The following DET1 variants were observed in gnomAD, a reference collection of about 807,000 sequenced individuals.
The protein encoded by DET1 is DET1 homolog.
Under a neutral mutation model 43.7 loss-of-function variants are expected in DET1, and 22 were observed. That is an observed-to-expected ratio of 0.50 (90% CI 0.36 to 0.72). The LOEUF (loss-of-function observed/expected upper bound fraction) is 0.72, where lower values mean the gene tolerates loss of function less well. Ranked by LOEUF, DET1 falls within the 30% of genes least tolerant of loss-of-function variation. The pLI is 0.00. For missense variants in DET1, 713 were observed against 713.3 expected (o/e 1.00, Z 0.00); for synonymous variants, 315 against 266.2 (o/e 1.18, Z -1.79).
At chr15:88,508,830 G>C (rs534717305), downstream of DET1, among the ~76,000 whole-genome samples, 1 of 152,192 alleles carries the variant, frequency 6.6e-6, no homozygotes, top group East Asian at 1.9e-4. Context: ...TAATAAAAGA[G>C]AATAAGGGGT....
intron 1 of DET1, among the ~76,000 whole-genome samples, chr15:88,535,379 G>C (rs765180987): frequency 1.3e-5 from 2 of 151,888 alleles, no homozygotes; most frequent in Non-Finnish European, 2.9e-5. Flanking sequence ...TAAAGCCTCA[G>C]GGCCCTAGGG....
chr15:88,533,940 A>G (rs567977521), intron 1 of DET1, among the ~76,000 whole-genome samples: 1 of 151,894 alleles, frequency 6.6e-6, no homozygotes, highest in Non-Finnish European at 1.5e-5. Context: ...ACAAAGAAGA[A>G]TGGTGGTCAC....
chr15:88,511,621 T>G, downstream of DET1: 1 of 982,820 alleles, frequency 1.0e-6, no homozygotes, highest in Non-Finnish European at 1.2e-6. Flanking sequence ...TATTGTACTG[T>G]ATTATAATAA....
chr15:88,542,732 C>G (rs1418091818), intron 1 of DET1, among the ~76,000 whole-genome samples: 2 of 152,118 alleles, frequency 1.3e-5, no homozygotes, highest in South Asian at 2.1e-4. Flanking sequence ...TAATGGCTAT[C>G]CAAGAGGGCA....
At position 88,516,638 on chromosome 15, in the gene DET1, G is replaced by T; in HGVS notation, c.1463+144C>A. The T allele has an allele frequency of 1.6e-6, 1 of 642,524 alleles. No homozygotes were observed. 39.8% of individuals were successfully genotyped at this position (642,524 alleles called of 1,614,324 possible). ...CACCTAAATGATCACAGCTCTCACT[G>T]CATTATAGAAATAGCCTGCCTTTTC... On this transcript the variant is annotated intron_variant, in intron 4 of 4. Transcript: ENST00000268148. This position sits in a 1 kb window ranked among gnomAD's most constrained non-coding sequence, Gnocchi z 4.4.
rs761619650 is a variant in DET1 at position 88,512,958 on chromosome 15, C to T, written c.1646G>A (p.Cys549Tyr). 5 of 1,613,790 alleles carry T rather than the reference C, an allele frequency of 3.1e-6. No homozygotes were observed. Among genetic ancestry groups the T allele is most frequent in the African/African-American group, 1.3e-5 (1 of 75,058 alleles). The change falls in exon 5 of 5, where the codon TGC becomes TAC. Residue 549 changes from cysteine (C) to tyrosine (Y), a missense_variant. By Grantham distance (194) the Cys-to-Tyr change is radical. Coordinates refer to ENST00000268148, the MANE Select transcript of DET1 (RefSeq NM_001144074.3). ...CTGGCTCTGGTGAGGCACCTACGTG[C>T]AGCAGTGTCGCATATGGAAGTTGAC... ...YVVNFHMRHC[C>Y]T
At chr15:88,510,557 T>G (rs555145139), downstream of DET1, among the ~76,000 whole-genome samples, 1 of 152,198 alleles carries the variant, frequency 6.6e-6, no homozygotes, top group East Asian at 1.9e-4. Flanking sequence ...ATACCCAGTA[T>G]CTGACTTAAT....
At chr15:88,525,235 C>T (rs921057059) in intron 3 of DET1, among the ~76,000 whole-genome samples, 1 of 151,916 alleles carries the variant, frequency 6.6e-6, no homozygotes, top group African/African-American at 2.4e-5. Flanking sequence ...GTTTAATATC[C>T]ACTGAAAATA....
intron 3 of DET1, among the ~76,000 whole-genome samples, chr15:88,522,249 G>C (rs2056510452): frequency 1.3e-5 from 2 of 152,238 alleles, no homozygotes; most frequent in Non-Finnish European, 2.9e-5. Context: ...CTCCAGAACT[G>C]GATGGTCCTG....
chr15:88,529,691 T>C (rs1254627782), intron 2 of DET1, among the ~76,000 whole-genome samples: 4 of 152,238 alleles, frequency 2.6e-5, no homozygotes, highest in Non-Finnish European at 5.9e-5. Flanking sequence ...CGTGGTTTAC[T>C]GATTTGCTGG....
At chr15:88,543,404 C>T (rs907573943) in intron 1 of DET1, among the ~76,000 whole-genome samples, 1 of 152,226 alleles carries the variant, frequency 6.6e-6, no homozygotes, top group African/African-American at 2.4e-5. Context: ...TTGCATTTTA[C>T]AATATCAGAG....
intron 3 of DET1, among the ~76,000 whole-genome samples, chr15:88,520,053 G>A (rs1243962402): frequency 6.6e-6 from 1 of 152,070 alleles, no homozygotes; most frequent in Admixed American, 6.6e-5. Context: ...ATAACTTTCT[G>A]CGCTCCCATG....
At chr15:88,538,385 C>T (rs369493847) in intron 1 of DET1, among the ~76,000 whole-genome samples, 3 of 151,194 alleles carry the variant, frequency 2.0e-5, no homozygotes, top group African/African-American at 7.3e-5. Context: ...TTGTAATAGT[C>T]ATAAAGCCCC....
chr15:88,512,722 C>A lies in DET1; in HGVS notation c.*229G>T. ...ACTTAATTAATGCTGGGCATTCCCA[C>A]AGGGAAAACGCAAGAGGATATTATA... is the stretch of plus-strand genomic sequence containing the variant. On this transcript the variant is annotated 3_prime_UTR_variant, in exon 5 of 5. Coordinates refer to ENST00000268148, the MANE Select transcript of DET1 (RefSeq NM_001144074.3). 8.0e-7 allele frequency: 1 copy of A among 1,252,588 alleles called. No homozygotes were observed. The highest frequency in any genetic ancestry group is 1.0e-6 in the Non-Finnish European group (1 of 999,604). 77.6% of individuals were successfully genotyped at this position (1,252,588 alleles called of 1,614,324 possible). A position where few individuals can be genotyped will look rare whatever the true frequency, so the allele number is the denominator to read the frequency against.
chr15:88,506,452 G>C (rs187102311), intron 7 of DET1, among the ~76,000 whole-genome samples: 1 of 151,630 alleles, frequency 6.6e-6, no homozygotes, highest in Non-Finnish European at 1.5e-5. Context: ...TCAAGCAGAG[G>C]GTTATAGCTA....
chr15:88,520,149 C>T (rs1382985669), intron 3 of DET1, among the ~76,000 whole-genome samples: 4 of 152,170 alleles, frequency 2.6e-5, no homozygotes, highest in Non-Finnish European at 5.9e-5. Flanking sequence ...ACTGTTTCCC[C>T]TTCTCTACAG....
downstream of DET1, among the ~76,000 whole-genome samples, chr15:88,510,322 G>A (rs936293455): frequency 8.5e-5 from 13 of 152,178 alleles, no homozygotes; most frequent in African/African-American, 3.1e-4. Flanking sequence ...ATTGGCCTAG[G>A]ATCACACATG....
chr15:88,544,204 G>C (rs1416765304), intron 1 of DET1, among the ~76,000 whole-genome samples: 1 of 152,154 alleles, frequency 6.6e-6, no homozygotes, highest in Admixed American at 6.5e-5. Flanking sequence ...AAGCTCCATT[G>C]TGCCTATCGA....
At chr15:88,518,675 G>A (rs2056412132) in intron 3 of DET1, among the ~76,000 whole-genome samples, 1 of 152,094 alleles carries the variant, frequency 6.6e-6, no homozygotes, top group South Asian at 2.1e-4. Flanking sequence ...CATATCATAT[G>A]GTTCAACAAT....
Sources: gnomAD v4.1 joint callset for allele counts (sites outside exome capture counted in the v4.1 genomes callset) on GRCh38, gnomAD v4.1.1 for gene constraint, Gnocchi (gnomAD v3.1) non-coding constraint, MANE v1.5 for transcripts, NCBI Gene and HGNC (gene_info 2026-07-23, HGNC 2026-07-21) for gene names.